RAI14: variants seen among roughly 807,000 people sequenced by gnomAD.
RAI14 encodes the protein ankycorbin.
In RAI14, 45 loss-of-function variants were observed where a neutral mutation model predicts 115.4. That is an observed-to-expected ratio of 0.39 (90% confidence interval 0.31 to 0.50). The LOEUF (loss-of-function observed/expected upper bound fraction) is 0.50, where lower values mean the gene tolerates loss of function less well. Among genes scored for constraint, RAI14 ranks in the 20% least tolerant of loss-of-function variants. RAI14 has a pLI of 0.85. For synonymous variants in RAI14, 371 were observed against 415.4 expected, an observed-to-expected ratio of 0.89 and a Z score of 1.30; for missense variants, 939 against 1,131.2, an observed-to-expected ratio of 0.83 and a Z score of 2.44.
intron 3 of RAI14, among the ~76,000 whole-genome samples, chr5:34,777,879 G>T (rs1290564068): frequency 6.6e-6 from 1 of 151,230 alleles, no homozygotes; most frequent in East Asian, 2.0e-4. Context: ...TGTGGGGGGG[G>T]TGTGGATAAA....
At chr5:34,723,930 G>T (rs550030254) in intron 2 of RAI14, among the ~76,000 whole-genome samples, 1 of 152,194 alleles carries the variant, frequency 6.6e-6, no homozygotes, top group Admixed American at 6.5e-5. Context: ...CTTGGTCTAT[G>T]CTTTTTTGCC....
chr5:34,714,093 C>T (rs948190642), intron 2 of RAI14, among the ~76,000 whole-genome samples: 2 of 152,212 alleles, frequency 1.3e-5, no homozygotes, highest in South Asian at 2.1e-4. Flanking sequence ...TGAGCCACCT[C>T]GCCCGGCCTT....
intron 2 of RAI14, among the ~76,000 whole-genome samples, chr5:34,688,695 A>G (rs1738185680): frequency 6.6e-6 from 1 of 152,180 alleles, no homozygotes; most frequent in Non-Finnish European, 1.5e-5. Context: ...GAGCCCAACA[A>G]TTTCAAATGG....
intron 1 of RAI14, among the ~76,000 whole-genome samples, chr5:34,678,506 C>A (rs561555534): frequency 2.3e-4 from 35 of 152,138 alleles, no homozygotes; most frequent in Non-Finnish European, 4.3e-4. Flanking sequence ...TCCAGTATGA[C>A]TGGTGTCCTC....
At chr5:34,811,648 G>T in intron 8 of RAI14, 119 bp from the exon 9 acceptor site, 1 of 816,718 alleles carries the variant, frequency 1.2e-6, no homozygotes, top group Non-Finnish European at 1.8e-6. Context: ...TGAAGATTAA[G>T]TGTAATAAAG....
intron 12 of RAI14, 46 bp from the exon 13 acceptor site, chr5:34,818,751 T>C: frequency 6.7e-7 from 1 of 1,496,400 alleles, no homozygotes; most frequent in Non-Finnish European, 9.3e-7. Context: ...TTTTGTGTAA[T>C]GTTACATTTA....
intron 16 of RAI14, among the ~76,000 whole-genome samples, chr5:34,828,847 A>T (rs1757718641): frequency 2.0e-5 from 3 of 152,300 alleles, no homozygotes; most frequent in African/African-American, 7.2e-5. Context: ...ACTGATAGCT[A>T]AATAATTGAG....
intron 2 of RAI14, among the ~76,000 whole-genome samples, chr5:34,706,700 A>G (rs1284284630): frequency 3.3e-5 from 5 of 152,082 alleles, no homozygotes; most frequent in African/African-American, 2.4e-5. Flanking sequence ...GCTGCCTCCT[A>G]TTACTGCAGG....
intron 2 of RAI14, among the ~76,000 whole-genome samples, chr5:34,743,825 G>A (rs1745833031): frequency 6.6e-6 from 1 of 152,216 alleles, no homozygotes; most frequent in African/African-American, 2.4e-5. Flanking sequence ...AGAAAATACA[G>A]ATTAATTAGC....
intron 4 of RAI14, among the ~76,000 whole-genome samples, chr5:34,798,450 A>G (rs557997486): frequency 1.3e-5 from 2 of 152,304 alleles, no homozygotes; most frequent in South Asian, 4.1e-4. Context: ...AGAAAGAAAA[A>G]AAATATTTCT....
At chr5:34,802,340 T>G (rs1754375550) in intron 4 of RAI14, among the ~76,000 whole-genome samples, 1 of 151,998 alleles carries the variant, frequency 6.6e-6, no homozygotes. Flanking sequence ...CTAAGCAGGG[T>G]CGGGCCTGGT....
At chr5:34,697,671 T>C (rs932025433) in intron 2 of RAI14, among the ~76,000 whole-genome samples, 3 of 152,224 alleles carry the variant, frequency 2.0e-5, no homozygotes, top group African/African-American at 7.2e-5. Flanking sequence ...CACAGCTTCA[T>C]TGAAAAGTTT....
At chr5:34,764,264 C>T (rs1018574418) in intron 3 of RAI14, among the ~76,000 whole-genome samples, 12 of 152,212 alleles carry the variant, frequency 7.9e-5, no homozygotes, top group African/African-American at 2.9e-4. Context: ...ATCATTGGTT[C>T]TCAGCTTGGC....
At chr5:34,683,960 C>G (rs778591779) in intron 1 of RAI14, among the ~76,000 whole-genome samples, 1 of 152,172 alleles carries the variant, frequency 6.6e-6, no homozygotes, top group Non-Finnish European at 1.5e-5. Context: ...ATTTCCTGAC[C>G]TTGTGTTCCG....
chr5:34,775,800 A>G (rs1171616797), intron 3 of RAI14, among the ~76,000 whole-genome samples: 1 of 152,198 alleles, frequency 6.6e-6, no homozygotes, highest in Non-Finnish European at 1.5e-5. Flanking sequence ...GGAAAAGGGA[A>G]CCCTCATACA....
chr5:34,804,100 G>A (rs7713710), intron 5 of RAI14, among the ~76,000 whole-genome samples: 3,010 of 152,166 alleles, frequency 0.02, 98 homozygotes, highest in African/African-American at 0.066. Flanking sequence ...TAAAACATCG[G>A]TTTCTAAGCT....
intron 5 of RAI14, among the ~76,000 whole-genome samples, chr5:34,807,516 G>A (rs1346639912): frequency 6.6e-6 from 1 of 152,064 alleles, no homozygotes; most frequent in African/African-American, 2.4e-5. Context: ...GGATTAAGAT[G>A]AGAGAGCCTA....
At chr5:34,666,515 C>T (rs1447315266) in intron 1 of RAI14, among the ~76,000 whole-genome samples, 3 of 152,228 alleles carry the variant, frequency 2.0e-5, no homozygotes, top group Non-Finnish European at 2.9e-5. Context: ...GGAACTGACC[C>T]TCAGCTGGAA....
At chr5:34,801,736 T>TA (rs11451518) in intron 4 of RAI14, among the ~76,000 whole-genome samples, 60,196 of 148,118 alleles carry the variant, frequency 0.41, 12,402 homozygotes, top group Admixed American at 0.5. Flanking sequence ...TAAGACTTTC[T>TA]AAAAAAAAAA....
Sources: allele counts gnomAD v4.1 joint callset (sites outside exome capture counted in the v4.1 genomes callset), GRCh38; gene constraint gnomAD v4.1.1; transcripts MANE v1.5; gene names NCBI Gene and HGNC (gene_info 2026-07-23, HGNC 2026-07-21).